Variants in CAST observed in about 807,000 individuals in gnomAD.
The protein encoded by CAST is MIR583 host.
A neutral mutation model predicts 119.6 loss-of-function variants in CAST; 76 were observed. The observed-to-expected ratio is 0.64, with a 90% CI of 0.53 to 0.77. CAST has a LOEUF of 0.77. Among genes scored for constraint, CAST ranks in the 30% least tolerant of loss-of-function variants. CAST has a pLI of 0.00. For missense variants in CAST, 953 were observed against 946.5 expected (o/e 1.01, Z -0.09); for synonymous variants, 319 against 331.6 (o/e 0.96, Z 0.41).
At chr5:96,498,532 T>C in the CAST span, among the ~76,000 whole-genome samples, 4 of 152,244 alleles carry the variant, frequency 2.6e-5, no homozygotes, top group Non-Finnish European at 5.9e-5. Context: ...TGCTATTGCA[T>C]GTAATTGCAT....
At chr5:96,485,961 C>T in the CAST span, among the ~76,000 whole-genome samples, 1 of 152,042 alleles carries the variant, frequency 6.6e-6, no homozygotes, top group Non-Finnish European at 1.5e-5. Flanking sequence ...TTTAATTGTA[C>T]CTAGAGACAA....
chr5:96,172,709 C>T, the CAST span, among the ~76,000 whole-genome samples: 2 of 152,168 alleles, frequency 1.3e-5, no homozygotes, highest in African/African-American at 4.8e-5. Context: ...GCAAACAGAT[C>T]CCTCTCTAGT....
At chr5:96,116,941 C>G in the CAST span, among the ~76,000 whole-genome samples, 42 of 152,222 alleles carry the variant, frequency 2.8e-4, no homozygotes, top group African/African-American at 9.1e-4. Context: ...AAGGCTCATT[C>G]CTTCTTGACT....
chr5:96,031,986 G>A, the CAST span, among the ~76,000 whole-genome samples: 4 of 152,140 alleles, frequency 2.6e-5, no homozygotes, highest in Admixed American at 6.6e-5. Context: ...GCTTATTGCC[G>A]TGACTTGTTA....
the CAST span, among the ~76,000 whole-genome samples, chr5:96,316,901 T>G: frequency 6.6e-6 from 1 of 152,234 alleles, no homozygotes; most frequent in Non-Finnish European, 1.5e-5. Context: ...TTAAGTCTTT[T>G]GTTTTCCGAA....
chr5:96,454,139 CCTAT>C, the CAST span, among the ~76,000 whole-genome samples: 2 of 152,060 alleles, frequency 1.3e-5, no homozygotes, highest in Admixed American at 6.5e-5. Flanking sequence ...GCTATTGTAG[CCTAT>C]CTATGTGTTG....
chr5:96,554,138 T>C (rs1398941999), intron 1 of CAST, among the ~76,000 whole-genome samples: 3 of 152,190 alleles, frequency 2.0e-5, no homozygotes, highest in African/African-American at 7.2e-5. Context: ...GGCATCATGC[T>C]ACCTGACTTC....
the CAST span, chr5:96,433,153 T>A: frequency 9.9e-7 from 1 of 1,011,638 alleles, no homozygotes; most frequent in Non-Finnish European, 1.6e-6. Context: ...AGACCACTCC[T>A]GGCTCCTGGT....
At chr5:96,539,138 A>AT (rs1468806761) in intron 1 of CAST, among the ~76,000 whole-genome samples, 1 of 152,160 alleles carries the variant, frequency 6.6e-6, no homozygotes, top group Non-Finnish European at 1.5e-5. Context: ...AAATATCACC[A>AT]TTTTTTAAGA....
intron 1 of CAST, among the ~76,000 whole-genome samples, chr5:96,617,024 T>C (rs1354199843): frequency 6.6e-6 from 1 of 152,156 alleles, no homozygotes; most frequent in Non-Finnish European, 1.5e-5. Context: ...TCTTAATCCG[T>C]TGACACATCA....
At chr5:96,664,364 T>A (rs1376281500) in intron 1 of CAST, among the ~76,000 whole-genome samples, 3 of 150,566 alleles carry the variant, frequency 2.0e-5, no homozygotes, top group African/African-American at 7.5e-5. Context: ...AATATATGTG[T>A]GTGTGCATAT....
At chr5:96,093,767 AAAG>A in the CAST span, among the ~76,000 whole-genome samples, 2 of 152,312 alleles carry the variant, frequency 1.3e-5, no homozygotes, top group East Asian at 3.9e-4. Flanking sequence ...TACAGATAGA[AAAG>A]AAGAAGAAAC....
At chr5:96,690,449 C>T (rs1304092547) in intron 2 of CAST, among the ~76,000 whole-genome samples, 1 of 152,028 alleles carries the variant, frequency 6.6e-6, no homozygotes, top group Non-Finnish European at 1.5e-5. Flanking sequence ...AGGCTGGTCT[C>T]GAACTCCTGA....
the CAST span, among the ~76,000 whole-genome samples, chr5:96,153,476 A>G: frequency 6.6e-6 from 1 of 152,144 alleles, no homozygotes; most frequent in Non-Finnish European, 1.5e-5. Context: ...GCTTGACGAG[A>G]GGAATGAAAA....
At chr5:96,096,882 G>A in the CAST span, among the ~76,000 whole-genome samples, 2 of 152,204 alleles carry the variant, frequency 1.3e-5, no homozygotes, top group African/African-American at 4.8e-5. Flanking sequence ...GCTGGTGAAA[G>A]ATGCTACTCT....
the CAST span, among the ~76,000 whole-genome samples, chr5:96,074,306 A>T: frequency 2.0e-5 from 3 of 152,188 alleles, no homozygotes; most frequent in Non-Finnish European, 4.4e-5. Flanking sequence ...TAACACCCCC[A>T]GTGTGGTGGT....
chr5:96,657,426 G>A (rs754536670), upstream of CAST, among the ~76,000 whole-genome samples: 1 of 152,138 alleles, frequency 6.6e-6, no homozygotes, highest in South Asian at 2.1e-4. Flanking sequence ...TGAAGTCTAG[G>A]CCTGGGAAAA....
At chr5:96,468,398 A>G in the CAST span, among the ~76,000 whole-genome samples, 2 of 152,228 alleles carry the variant, frequency 1.3e-5, no homozygotes, top group East Asian at 1.9e-4. Flanking sequence ...AAAAGTACCA[A>G]AAAAATTCAG....
the CAST span, among the ~76,000 whole-genome samples, chr5:96,034,137 G>A: frequency 6.6e-6 from 1 of 151,782 alleles, no homozygotes; most frequent in Non-Finnish European, 1.5e-5. Context: ...AAATAAGTGG[G>A]CAAAGTACCC....
Sources: allele counts gnomAD v4.1 joint callset (sites outside exome capture counted in the v4.1 genomes callset), GRCh38; gene constraint gnomAD v4.1.1; transcripts MANE v1.5; gene names NCBI Gene and HGNC (gene_info 2026-07-23, HGNC 2026-07-21).